The following PTPN9 variants were observed in gnomAD, a reference collection of about 807,000 sequenced individuals.
PTPN9 encodes protein tyrosine phosphatase non-receptor type 9.
In PTPN9, 26 loss-of-function variants were observed where a neutral mutation model predicts 69.8. The ratio of observed to expected loss-of-function variants is 0.37; its 90% CI spans 0.27 to 0.52. PTPN9 has a LOEUF of 0.52. Among genes scored for constraint, PTPN9 ranks in the 20% least tolerant of loss-of-function variants. The pLI is 0.91. For synonymous variants in PTPN9, 274 were observed against 272.5 expected (o/e 1.01, Z -0.05); for missense variants, 549 against 740.3 (o/e 0.74, Z 3.00).
intron 4 of PTPN9, among the ~76,000 whole-genome samples, chr15:75,522,038 C>G (rs2074907487): frequency 6.6e-6 from 1 of 151,996 alleles, no homozygotes; most frequent in Non-Finnish European, 1.5e-5. Context: ...GAGGACCAGC[C>G]AAAGATGTCG....
Position 75,528,701 on chromosome 15 carries a change from T to C in PTPN9, c.64-1440A>G, listed in dbSNP as rs529144353. The stretch of plus-strand genomic sequence containing the variant: ...GAGCCACTGCCCTCAGCACATTTTT[T>C]TTTTTTTTTTTTTTGAGACAATATC... On this transcript the variant is annotated intron_variant, in intron 1 of 12. Coordinates refer to ENST00000618819, the MANE Select transcript of PTPN9 (RefSeq NM_002833.4). Among the ~76,000 whole-genome samples the C allele has an allele frequency of 3.4e-3, 511 of 150,622 alleles. 2 individuals carry two copies. Among genetic ancestry groups the C allele is most frequent in the Non-Finnish European group, 5.5e-3 (374 of 67,572 alleles).
chr15:75,530,657 A>ATAT (rs59046154), intron 1 of PTPN9, among the ~76,000 whole-genome samples: 5,345 of 34,208 alleles, frequency 0.16, 1,309 homozygotes, highest in African/African-American at 0.37. Flanking sequence ...ATATATTATT[A>ATAT]TATAATATAC....
chr15:75,477,096 T>G (rs2074600517), intron 9 of PTPN9, among the ~76,000 whole-genome samples: 1 of 152,222 alleles, frequency 6.6e-6, no homozygotes, highest in Non-Finnish European at 1.5e-5. Context: ...CAGACATGGC[T>G]TGTAAAAACT....
chr15:75,492,886 C>G (rs1195689097), intron 7 of PTPN9, among the ~76,000 whole-genome samples: 1 of 152,134 alleles, frequency 6.6e-6, no homozygotes, highest in African/African-American at 2.4e-5. Flanking sequence ...GTCACGGTGG[C>G]TCATGCCTGT....
At chr15:75,548,797 GCGCCC>G (rs2075045074) in intron 1 of PTPN9, among the ~76,000 whole-genome samples, 1 of 151,634 alleles carries the variant, frequency 6.6e-6, no homozygotes. Flanking sequence ...GGGACTACAG[GCGCCC>G]GCCACCACGC....
intron 1 of PTPN9, among the ~76,000 whole-genome samples, chr15:75,531,845 C>A (rs530100811): frequency 6.6e-6 from 1 of 151,566 alleles, no homozygotes; most frequent in East Asian, 2.0e-4. Context: ...AGGCGTGAGC[C>A]ACCACCCCCG....
chr15:75,524,117 T>TAAAAAAAAAAAAAAAAAAAAAAAAATA (rs34132149), intron 3 of PTPN9, 92 bp downstream of exon 3: 1 of 322,316 alleles, frequency 3.1e-6, no homozygotes, highest in African/African-American at 2.8e-5. Context: ...ATAATAAAAT[T>TAAAAAAAAAAAAAAAAAAAAAAAAATA]AAAAAAAAAA....
chr15:75,577,258 T>C (rs950785954), intron 1 of PTPN9, among the ~76,000 whole-genome samples: 2 of 152,222 alleles, frequency 1.3e-5, no homozygotes, highest in Non-Finnish European at 1.5e-5. Flanking sequence ...ACTGATGGCT[T>C]TAAGTCTTAA....
intron 5 of PTPN9, among the ~76,000 whole-genome samples, chr15:75,509,554 G>A (rs757187540): frequency 6.6e-6 from 1 of 151,968 alleles, no homozygotes; most frequent in African/African-American, 2.4e-5. Flanking sequence ...AGGCACGGTG[G>A]CAGACACCTG....
At chr15:75,504,611 C>T (rs1208847538) in intron 7 of PTPN9, among the ~76,000 whole-genome samples, 2 of 134,916 alleles carry the variant, frequency 1.5e-5, no homozygotes, top group African/African-American at 2.8e-5. Context: ...CCCCTCTGCC[C>T]GGCCAGCCGC....
intron 1 of PTPN9, among the ~76,000 whole-genome samples, chr15:75,551,289 C>T (rs2075055672): frequency 6.6e-6 from 1 of 152,114 alleles, no homozygotes; most frequent in Non-Finnish European, 1.5e-5. Context: ...GAAGTTAGGA[C>T]TTCACCAAGT....
At chr15:75,504,957 G>A (rs1481366025) in intron 7 of PTPN9, among the ~76,000 whole-genome samples, 2 of 152,186 alleles carry the variant, frequency 1.3e-5, no homozygotes, top group African/African-American at 4.8e-5. Context: ...CGTCTGGGAG[G>A]TGTACCCAAC....
At chr15:75,482,216 G>A (rs1403390289) in intron 8 of PTPN9, among the ~76,000 whole-genome samples, 1 of 151,950 alleles carries the variant, frequency 6.6e-6, no homozygotes, top group Non-Finnish European at 1.5e-5. Flanking sequence ...AATGGATTAA[G>A]GGCGGTGCAA....
chr15:75,570,691 T>C (rs780714106), intron 1 of PTPN9, among the ~76,000 whole-genome samples: 44 of 151,280 alleles, frequency 2.9e-4, no homozygotes, highest in Non-Finnish European at 5.8e-4. Flanking sequence ...CACTTGATCC[T>C]GGGAGGCTGG....
chr15:75,482,520 G>C (rs1296895625), intron 8 of PTPN9, among the ~76,000 whole-genome samples: 25 of 137,332 alleles, frequency 1.8e-4, no homozygotes, highest in Non-Finnish European at 2.9e-4. Context: ...AGCCGAGATC[G>C]TGCCACTGCA....
chr15:75,575,771 T>C (rs2075169703), intron 1 of PTPN9, among the ~76,000 whole-genome samples: 1 of 145,628 alleles, frequency 6.9e-6, no homozygotes, highest in South Asian at 2.2e-4. Flanking sequence ...TATGAAAAAT[T>C]AGCCAGGCGT....
intron 7 of PTPN9, among the ~76,000 whole-genome samples, chr15:75,505,024 G>A (rs558461190): frequency 1.1e-4 from 16 of 152,360 alleles, no homozygotes; most frequent in Admixed American, 6.5e-4. Context: ...AGAAAGGGGG[G>A]AAAGGTGGGG....
intron 9 of PTPN9, among the ~76,000 whole-genome samples, chr15:75,476,518 T>A (rs2074597686): frequency 6.6e-6 from 1 of 152,174 alleles, no homozygotes; most frequent in Non-Finnish European, 1.5e-5. Flanking sequence ...TTTCATCATG[T>A]TGGCCAGGCT....
intron 1 of PTPN9, among the ~76,000 whole-genome samples, chr15:75,559,466 C>T (rs187661569): frequency 6.6e-6 from 1 of 152,210 alleles, no homozygotes. Context: ...GATCTGTGAC[C>T]TTGCCCCCAG....
Sources: allele counts gnomAD v4.1 joint callset (sites outside exome capture counted in the v4.1 genomes callset), GRCh38; gene constraint gnomAD v4.1.1; transcripts MANE v1.5; gene names NCBI Gene and HGNC (gene_info 2026-07-23, HGNC 2026-07-21).